The following RANBP2 variants were observed in gnomAD, a reference collection of about 807,000 sequenced individuals.
RANBP2 encodes the protein E3 SUMO-protein ligase RanBP2.
Under a neutral mutation model 303.6 loss-of-function variants are expected in RANBP2, and 57 were observed. The observed-to-expected ratio is 0.19, with a 90% CI of 0.15 to 0.23. The LOEUF (loss-of-function observed/expected upper bound fraction) is 0.23. RANBP2 is among the 10% of genes least tolerant of loss of function. The pLI, the probability that RANBP2 is intolerant of heterozygous loss-of-function variation, is 1.00. For synonymous variants in RANBP2, 1,167 were observed against 1,301.5 expected (o/e 0.90, Z 2.23); for missense variants, 3,138 against 3,780.8 (o/e 0.83, Z 4.46).
chr2:108,942,813 T>G, the RANBP2 span, among the ~76,000 whole-genome samples: 1 of 152,224 alleles, frequency 6.6e-6, no homozygotes, highest in Admixed American at 6.5e-5. Flanking sequence ...CTAAGAAAAC[T>G]CAACAGCAGC....
the RANBP2 span, among the ~76,000 whole-genome samples, chr2:109,321,977 A>T: frequency 8.1e-4 from 123 of 152,296 alleles, 1 homozygote; most frequent in African/African-American, 2.7e-3. Flanking sequence ...GGTCCTCGTT[A>T]TTCAGTATGA....
the RANBP2 span, among the ~76,000 whole-genome samples, chr2:109,190,401 T>G: frequency 6.6e-6 from 1 of 152,250 alleles, no homozygotes; most frequent in Non-Finnish European, 1.5e-5. Context: ...CTCAAATTCC[T>G]GACCTCAGGC....
the RANBP2 span, chr2:108,907,966 C>T: frequency 6.2e-7 from 1 of 1,613,358 alleles, no homozygotes; most frequent in Non-Finnish European, 8.5e-7. Context: ...CTCCTCATCA[C>T]TGTCGACGCT....
chr2:109,105,427 G>A, the RANBP2 span, among the ~76,000 whole-genome samples: 2 of 152,134 alleles, frequency 1.3e-5, no homozygotes, highest in East Asian at 3.9e-4. Flanking sequence ...TGCAAATCCT[G>A]GAATCATGCA....
At chr2:109,499,580 G>C in the RANBP2 span, among the ~76,000 whole-genome samples, 18 of 152,204 alleles carry the variant, frequency 1.2e-4, no homozygotes, top group Admixed American at 9.2e-4. Flanking sequence ...GCTAGTGGGA[G>C]TGGGGATGGG....
intron 12 of RANBP2, 73 bp from the exon 13 acceptor site, chr2:108,752,925 C>T (rs1676016768): frequency 1.2e-6 from 2 of 1,606,822 alleles, no homozygotes; most frequent in African/African-American, 1.3e-5. Context: ...CCAGTTCTTT[C>T]AACTTGTAAA....
chr2:109,056,875 T>C, the RANBP2 span, among the ~76,000 whole-genome samples: 1 of 152,194 alleles, frequency 6.6e-6, no homozygotes, highest in Non-Finnish European at 1.5e-5. Flanking sequence ...AAGACCAAAG[T>C]GAAGGCTCAC....
the RANBP2 span, among the ~76,000 whole-genome samples, chr2:109,022,313 T>G: frequency 3.3e-5 from 5 of 152,308 alleles, no homozygotes; most frequent in South Asian, 1.0e-3. Flanking sequence ...CATGTGCCGC[T>G]GCCACAGCAC....
chr2:109,201,838 G>T, the RANBP2 span, among the ~76,000 whole-genome samples: 1 of 152,208 alleles, frequency 6.6e-6, no homozygotes, highest in African/African-American at 2.4e-5. Flanking sequence ...ATGGGGCATA[G>T]TGCCCTCCCT....
the RANBP2 span, among the ~76,000 whole-genome samples, chr2:108,999,463 CT>C: frequency 6.6e-6 from 1 of 152,210 alleles, no homozygotes; most frequent in South Asian, 2.1e-4. Flanking sequence ...ACCCAGATGA[CT>C]TTCCCACACA....
the RANBP2 span, among the ~76,000 whole-genome samples, chr2:109,169,675 G>A: frequency 6.6e-6 from 1 of 151,940 alleles, no homozygotes; most frequent in East Asian, 1.9e-4. Flanking sequence ...GTGTTTAATT[G>A]TTTTCATTGT....
rs1404092072 is a variant in RANBP2, at chr2:108,751,643, G to A, written c.1571G>A (p.Cys524Tyr). 1.9e-6 allele frequency: 3 copies of A among 1,611,242 alleles called. No homozygotes were observed. The Admixed American group carries it at 5.0e-5, about 27-fold the overall frequency. The change falls in exon 11 of 29, where the codon TGT becomes TAT. Residue 524 changes from cysteine (C) to tyrosine (Y), a missense_variant. Cys to Tyr is a radical substitution (Grantham distance 194, BLOSUM62 -2). This residue lies in a region of RANBP2 where 162 missense variants were observed against 286.9 expected (regional missense o/e 0.56). Coordinates refer to ENST00000283195, the MANE Select transcript of RANBP2 (RefSeq NM_006267.5). ...CLPLPVCKQL[C>Y]TERQKSWWDA... ...CCCCTTCCTGTGTGTAAACAGCTTTGTACAGAAAGACAAAAATCTTGGTGG... is the reference window on the plus strand; with the variant it reads ...CCCCTTCCTGTGTGTAAACAGCTTTATACAGAAAGACAAAAATCTTGGTGG...
chr2:109,571,581 A>G, the RANBP2 span, among the ~76,000 whole-genome samples: 5 of 152,260 alleles, frequency 3.3e-5, no homozygotes, highest in African/African-American at 1.2e-4. Context: ...AATACAGTAC[A>G]GTAAAAATAA....
the RANBP2 span, among the ~76,000 whole-genome samples, chr2:109,364,533 G>C: frequency 6.6e-6 from 1 of 152,200 alleles, no homozygotes; most frequent in Admixed American, 6.5e-5. Context: ...AGTATGTACT[G>C]TGATATTTTC....
chr2:109,760,861 C>T, the RANBP2 span, among the ~76,000 whole-genome samples: 2 of 111,142 alleles, frequency 1.8e-5, 1 homozygote, highest in Admixed American at 2.2e-4. Context: ...CCGGGTGCTC[C>T]GGGCGGCCGG....
At chr2:108,906,264 G>A in the RANBP2 span, 1,294,826 of 1,606,982 alleles carry the variant, frequency 0.81, 529,850 homozygotes, top group Admixed American at 0.87. Flanking sequence ...CCTTCATGTC[G>A]GTGGGGTGGG....
Position 108,772,489 on chromosome 2 carries a change from A to C in RANBP2, c.8021A>C (p.Asp2674Ala). The change falls in exon 22 of 29, where the codon GAT becomes GCT. Residue 2674 changes from aspartate to alanine, a missense_variant and splice_region_variant. Transcript: ENST00000283195. ...TTCTTTTAATCAATTGTATTTTAAG[A>C]TGAAGATTTCGAAACAGCTGTCAAG... ...PDYVSEEEED[D>A]EDFETAVKKL... The C allele has an allele frequency of 6.2e-7, 1 of 1,612,050 alleles. No homozygotes were observed. Among genetic ancestry groups the C allele is most frequent in the Non-Finnish European group, 8.5e-7 (1 of 1,178,324 alleles).
the RANBP2 span, among the ~76,000 whole-genome samples, chr2:109,183,440 T>C: frequency 6.6e-6 from 1 of 152,168 alleles, no homozygotes; most frequent in Non-Finnish European, 1.5e-5. Flanking sequence ...ATGCATATAG[T>C]AGTTCAACTC....
the RANBP2 span, among the ~76,000 whole-genome samples, chr2:109,396,401 C>T: frequency 7.9e-5 from 12 of 152,154 alleles, no homozygotes; most frequent in African/African-American, 2.9e-4. Flanking sequence ...GGCAGATATT[C>T]GTAGTGGAAA....
Sources: gnomAD v4.1 joint callset for allele counts (sites outside exome capture counted in the v4.1 genomes callset) on GRCh38, gnomAD v4.1.1 for gene constraint, gnomAD v4.1.1 regional missense constraint, MANE v1.5 for transcripts, NCBI Gene and HGNC (gene_info 2026-07-23, HGNC 2026-07-21) for gene names.